Variants in MGST3 observed in about 807,000 individuals in gnomAD.
MGST3 encodes microsomal glutathione S-transferase 3.
MGST3 carries 13 observed loss-of-function variants against 15.8 expected under a neutral mutation model. That is an observed-to-expected ratio of 0.82 (90% CI 0.54 to 1.31). The LOEUF (loss-of-function observed/expected upper bound fraction) is 1.31. Ranked by LOEUF, MGST3 falls within the 50% of genes most tolerant of loss-of-function variation. MGST3 has a pLI of 0.00. For missense variants in MGST3, 155 were observed against 192.4 expected, an observed-to-expected ratio of 0.81 and a Z score of 1.15; for synonymous variants, 49 against 68.1, an observed-to-expected ratio of 0.72 and a Z score of 1.38.
intron 1 of MGST3, among the ~76,000 whole-genome samples, chr1:165,638,793 T>TCAAA (rs144430330): frequency 6.9e-6 from 1 of 144,444 alleles, no homozygotes. Flanking sequence ...AGACTCCGTC[T>TCAAA]TAAAAAAAAA....
Position 165,654,503 on chromosome 1 carries a change from C to A in MGST3, c.322+152C>A, listed in dbSNP as rs1035517361. On this transcript the variant is annotated intron_variant, in intron 5 of 5. Coordinates refer to ENST00000367889, the MANE Select transcript of MGST3 (RefSeq NM_004528.4). Reference sequence around the variant, plus strand: ...CTCAGGAGTTGGATACCAGCCTGGGCAACATGGTGAAACCCTGTCTCTACA... The same window carrying A: ...CTCAGGAGTTGGATACCAGCCTGGGAAACATGGTGAAACCCTGTCTCTACA... 15 of 733,624 alleles carry A rather than the reference C, an allele frequency of 2.0e-5. No homozygotes were observed. In the Admixed American group the frequency reaches 2.7e-4, roughly 13 times the overall value. 45.4% of individuals were successfully genotyped at this position (733,624 alleles called of 1,614,324 possible).
chr1:165,654,719 AT>A (rs1189722805), intron 5 of MGST3, among the ~76,000 whole-genome samples: 2 of 151,836 alleles, frequency 1.3e-5, no homozygotes, highest in Non-Finnish European at 2.9e-5. Flanking sequence ...ATGCTACTAT[AT>A]TTTTTTTCTT....
At chr1:165,647,703 C>T (rs1648444126) in intron 1 of MGST3, 1 of 151,322 alleles carries the variant, frequency 6.6e-6, no homozygotes, top group Non-Finnish European at 1.5e-5. Context: ...ATTGTCCTTA[C>T]ATTTATTGCT....
rs180764634 is a variant in MGST3, at chr1:165,636,048, G to T, written c.-8+4755G>T. Reference sequence around the variant, plus strand: ...TAATTTAAATCTGGCTGTCATGAAGGTTTGGCGCTCAAACAGATTTTAGCA... The same window carrying T: ...TAATTTAAATCTGGCTGTCATGAAGTTTTGGCGCTCAAACAGATTTTAGCA... On this transcript the variant is annotated intron_variant, in intron 1 of 5. Coordinates refer to ENST00000367889, the MANE Select transcript of MGST3 (RefSeq NM_004528.4). Among the ~76,000 whole-genome samples the T allele has an allele frequency of 1.1e-3, 160 of 152,294 alleles. 1 individual carries two copies. The highest frequency in any genetic ancestry group is 3.4e-3 in the Middle Eastern group (1 of 294).
intron 4 of MGST3, among the ~76,000 whole-genome samples, chr1:165,652,283 G>C (rs1648581351): frequency 6.6e-6 from 1 of 152,228 alleles, no homozygotes; most frequent in African/African-American, 2.4e-5. Flanking sequence ...CTACAGAGTA[G>C]AAGGATTAGA....
At chr1:165,642,971 G>A (rs1026876067) in intron 1 of MGST3, among the ~76,000 whole-genome samples, 1 of 152,094 alleles carries the variant, frequency 6.6e-6, no homozygotes, top group African/African-American at 2.4e-5. Context: ...AATAATGATT[G>A]TCAAGCCACT....
chr1:165,643,613 C>G (rs1299749870), intron 1 of MGST3, among the ~76,000 whole-genome samples: 1 of 150,888 alleles, frequency 6.6e-6, no homozygotes, highest in African/African-American at 2.4e-5. Flanking sequence ...CACCTGTAAT[C>G]CCAGTACTTT....
chr1:165,651,183 T>C, intron 3 of MGST3, 96 bp downstream of exon 3: 1 of 1,028,482 alleles, frequency 9.7e-7, no homozygotes. Context: ...TGCTGAGTCA[T>C]AGTGATGGTG....
At chr1:165,654,437 T>G in intron 5 of MGST3, 86 bp downstream of exon 5, 1 of 1,278,520 alleles carries the variant, frequency 7.8e-7, no homozygotes, top group Non-Finnish European at 1.1e-6. Context: ...ACACCTGTAA[T>G]CCCAGCACTT....
In MGST3 at chr1:165,651,167, T is replaced by C. The variant is rs936309751; in HGVS notation, c.191+80T>C. The stretch of plus-strand genomic sequence containing the variant: ...TCTAACACCTCAGCCCTTAGTGCGC[T>C]GTATTTGCTGAGTCATAGTGATGGT... On this transcript the variant is annotated intron_variant, in intron 3 of 5. Coordinates refer to ENST00000367889, the MANE Select transcript of MGST3 (RefSeq NM_004528.4). 1.3e-5 allele frequency: 15 copies of C among 1,183,800 alleles called. No individual in the cohort carries two copies. The Admixed American group carries it at 2.5e-4, about 20-fold the overall frequency. 73.3% of individuals were successfully genotyped at this position (1,183,800 alleles called of 1,614,324 possible).
chr1:165,631,276 T>A lies in MGST3; in HGVS notation c.-25T>A, dbSNP rs1460993996. 1 of 152,750 alleles carries A rather than the reference T, an allele frequency of 6.5e-6. No individual in the cohort carries two copies. Among genetic ancestry groups the A allele is most frequent in the Admixed American group, 6.5e-5 (1 of 15,292 alleles). The allele number at this position is 152,750 out of a possible 1,614,324, so 9.5% of individuals were successfully genotyped here. A position where few individuals can be genotyped will look rare whatever the true frequency, so the allele number is the denominator to read the frequency against. On this transcript the variant is annotated 5_prime_UTR_variant, in exon 1 of 6. Transcript: ENST00000367889. ...CTGCGCAGTTTTGTTCTGCTCCAGC[T>A]GTTCGAAGGTGATCCAGGTGAGTGC...
rs1648692115 is a variant in MGST3, at chr1:165,655,749, A to G, written c.*245A>G. The G allele has an allele frequency of 1.3e-5, 7 of 519,990 alleles. No individual in the cohort carries two copies. In the South Asian group the frequency reaches 1.5e-4, roughly 11 times the overall value. 32.2% of individuals were successfully genotyped at this position (519,990 alleles called of 1,614,324 possible). ...CCCTTCCAGCAGATGCTTCTGTAGTATGTGAGGTTGAGAAAAAGTCTGATT... is the reference window on the plus strand; with the variant it reads ...CCCTTCCAGCAGATGCTTCTGTAGTGTGTGAGGTTGAGAAAAAGTCTGATT... On this transcript the variant is annotated 3_prime_UTR_variant, in exon 6 of 6. Transcript: ENST00000367889.
At chr1:165,632,371 T>A in intron 1 of MGST3, 1 of 1,339,428 alleles carries the variant, frequency 7.5e-7, no homozygotes, top group Non-Finnish European at 1.1e-6. Flanking sequence ...GGGAAATCTG[T>A]AGATCACCTG....
intron 5 of MGST3, among the ~76,000 whole-genome samples, chr1:165,655,132 G>C (rs955651255): frequency 6.6e-6 from 1 of 152,138 alleles, no homozygotes; most frequent in South Asian, 2.1e-4. Context: ...CTAGAGCAAA[G>C]TTGCTGTAAT....
intron 1 of MGST3, among the ~76,000 whole-genome samples, chr1:165,640,694 C>T (rs1408623637): frequency 6.6e-6 from 1 of 152,156 alleles, no homozygotes; most frequent in Non-Finnish European, 1.5e-5. Flanking sequence ...TATAGAACAG[C>T]AGCATTCTAC....
Position 165,655,468 on chromosome 1 carries a change from A to T in MGST3, c.423A>T (p.Lys141Asn). The change falls in exon 6 of 6, where the codon AAA becomes AAT. Residue 141 changes from lysine to asparagine, a missense_variant. Coordinates refer to ENST00000367889, the MANE Select transcript of MGST3 (RefSeq NM_004528.4). ...CSAFQHLGWV[K>N]SGLGSGPKCC... ...CTTTCCAGCATCTTGGTTGGGTTAA[A>T]AGTGGCTTGGGCAGTGGACCCAAAT... The T allele has an allele frequency of 6.2e-7, 1 of 1,614,136 alleles. No individual in the cohort carries two copies. Among genetic ancestry groups the T allele is most frequent in the Non-Finnish European group, 8.5e-7 (1 of 1,180,024 alleles).
At chr1:165,631,730 A>G (rs904646946) in intron 1 of MGST3, among the ~76,000 whole-genome samples, 3 of 152,134 alleles carry the variant, frequency 2.0e-5, no homozygotes, top group Non-Finnish European at 4.4e-5. Context: ...AGGCCTGATC[A>G]GTAACACTGG....
intron 1 of MGST3, chr1:165,635,840 C>G (rs1278863109): frequency 2.0e-5 from 3 of 152,198 alleles, no homozygotes; most frequent in African/African-American, 7.2e-5. Context: ...GAAAGACCCA[C>G]TCTAGGACCT....
At chr1:165,644,034 G>A (rs1460624564) in intron 1 of MGST3, among the ~76,000 whole-genome samples, 1 of 147,512 alleles carries the variant, frequency 6.8e-6, no homozygotes, top group African/African-American at 2.6e-5. Context: ...CTCCAGCCTT[G>A]GCAACAGAGA....
Sources: gnomAD v4.1 joint callset for allele counts (sites outside exome capture counted in the v4.1 genomes callset) on GRCh38, gnomAD v4.1.1 for gene constraint, MANE v1.5 for transcripts, NCBI Gene and HGNC (gene_info 2026-07-23, HGNC 2026-07-21) for gene names.